The following LARP1 variants were observed in gnomAD, a reference collection of about 807,000 sequenced individuals.
The protein encoded by LARP1 is La ribonucleoprotein 1, translational regulator.
In LARP1, 36 loss-of-function variants were observed where a neutral mutation model predicts 122.7. The ratio of observed to expected loss-of-function variants is 0.29; its 90% confidence interval spans 0.22 to 0.39. The LOEUF is 0.39. Among genes scored for constraint, LARP1 ranks in the 10% least tolerant of loss-of-function variants. The probability of loss-of-function intolerance (pLI) is 1.00; values close to 1 mark genes in which losing one functional copy is unlikely to be tolerated. For missense variants in LARP1, 1,040 were observed against 1,403.6 expected, an observed-to-expected ratio of 0.74 and a Z score of 4.14; for synonymous variants, 539 against 528.7, an observed-to-expected ratio of 1.02 and a Z score of -0.27.
chr5:154,683,905 T>C (rs1753805204), intron 1 of LARP1, among the ~76,000 whole-genome samples: 1 of 151,940 alleles, frequency 6.6e-6, no homozygotes, highest in Non-Finnish European at 1.5e-5. Context: ...GTCTTTGGAG[T>C]TGATGGTAGC....
At chr5:154,755,196 G>A (rs1369992453), upstream of LARP1, among the ~76,000 whole-genome samples, 19 of 150,016 alleles carry the variant, frequency 1.3e-4, no homozygotes. Flanking sequence ...GGGCAGGACC[G>A]CGTAGCCGTG....
upstream of LARP1, among the ~76,000 whole-genome samples, chr5:154,710,742 CAAAAAAAAA>C (rs35253134): frequency 1.1e-5 from 1 of 92,438 alleles, no homozygotes; most frequent in Non-Finnish European, 2.1e-5. Flanking sequence ...GACTCCATCT[CAAAAAAAAA>C]AAAAAAAAAA....
chr5:154,696,580 T>A (rs912289051), intron 1 of LARP1, among the ~76,000 whole-genome samples: 4 of 152,150 alleles, frequency 2.6e-5, no homozygotes, highest in Non-Finnish European at 5.9e-5. Flanking sequence ...TCCTATAAGG[T>A]AAAGAAAATA....
intron 1 of LARP1, among the ~76,000 whole-genome samples, chr5:154,705,117 CA>C (rs35003168): frequency 3.3e-4 from 35 of 107,192 alleles, no homozygotes; most frequent in South Asian, 1.4e-3. Flanking sequence ...GACTCCGTCT[CA>C]AAAAAAAAAA....
At chr5:154,725,198 T>A (rs1333853254) in intron 1 of LARP1, among the ~76,000 whole-genome samples, 1 of 151,818 alleles carries the variant, frequency 6.6e-6, no homozygotes, top group Non-Finnish European at 1.5e-5. Context: ...AAGACAAGCC[T>A]AGCCAAGATG....
upstream of LARP1, among the ~76,000 whole-genome samples, chr5:154,751,017 T>A (rs973562086): frequency 1.1e-4 from 16 of 152,208 alleles, no homozygotes; most frequent in African/African-American, 3.9e-4. Context: ...GCCTCTCTTT[T>A]TTTTTGGCCA....
intron 8 of LARP1, among the ~76,000 whole-genome samples, chr5:154,797,690 T>TC (rs1465777236): frequency 6.6e-6 from 1 of 152,098 alleles, no homozygotes; most frequent in East Asian, 1.9e-4. Flanking sequence ...CTTTTTTTTT[T>TC]TTTTTTAAAC....
At chr5:154,804,476 C>T (rs567932004) in intron 14 of LARP1, among the ~76,000 whole-genome samples, 169 bp downstream of exon 14, 4 of 152,202 alleles carry the variant, frequency 2.6e-5, no homozygotes, top group Non-Finnish European at 4.4e-5. Context: ...CTGGGAATGA[C>T]GGGTAGGCTT....
At chr5:154,762,229 G>A (rs921049057) in intron 1 of LARP1, among the ~76,000 whole-genome samples, 7 of 151,912 alleles carry the variant, frequency 4.6e-5, no homozygotes, top group Non-Finnish European at 7.4e-5. Context: ...GGTGACAAGA[G>A]CAAGACTCCA....
At chr5:154,773,958 T>C (rs1755651763) in intron 1 of LARP1, among the ~76,000 whole-genome samples, 1 of 152,188 alleles carries the variant, frequency 6.6e-6, no homozygotes, top group African/African-American at 2.4e-5. Context: ...CCAACAATCC[T>C]GCACCCCTAG....
intron 1 of LARP1, among the ~76,000 whole-genome samples, chr5:154,706,977 A>G (rs779849292): frequency 9.9e-5 from 15 of 152,218 alleles, no homozygotes; most frequent in Non-Finnish European, 1.6e-4. Context: ...CCCAAAATCA[A>G]AAGTACCATA....
chr5:154,708,594 C>T (rs749536548), upstream of LARP1, among the ~76,000 whole-genome samples: 4 of 152,040 alleles, frequency 2.6e-5, no homozygotes, highest in Non-Finnish European at 5.9e-5. Context: ...ATTTTAATTA[C>T]GTTCTGCAAA....
At chr5:154,790,591 G>A in intron 2 of LARP1, 54 bp from the exon 3 acceptor site, 2 of 1,590,492 alleles carry the variant, frequency 1.3e-6, no homozygotes, top group Non-Finnish European at 1.7e-6. Flanking sequence ...GTCGGGGGCT[G>A]AATAGCAAAG....
chr5:154,697,722 C>A (rs1465654427), intron 1 of LARP1, among the ~76,000 whole-genome samples: 1 of 152,170 alleles, frequency 6.6e-6, no homozygotes, highest in Non-Finnish European at 1.5e-5. Context: ...TTCATAGAGA[C>A]AGAAATTAGA....
intron 1 of LARP1, among the ~76,000 whole-genome samples, chr5:154,688,653 CA>C (rs10677648): frequency 0.02 from 1,594 of 79,362 alleles, 10 homozygotes; most frequent in East Asian, 0.067. Flanking sequence ...GACTCCATCT[CA>C]AAAAAAAAAA....
chr5:154,805,344 C>G (rs927532246), intron 14 of LARP1: 12 of 200,756 alleles, frequency 6.0e-5, no homozygotes, highest in South Asian at 2.4e-4. Context: ...TGGTCTTGCT[C>G]TCTCGAGTGG....
At chr5:154,770,392 AT>A (rs984943552) in intron 1 of LARP1, among the ~76,000 whole-genome samples, 22 of 152,074 alleles carry the variant, frequency 1.4e-4, no homozygotes, top group African/African-American at 5.1e-4. Context: ...TTAGGCAGGC[AT>A]TTTCCCCCTG....
chr5:154,787,994 A>AC (rs1216254498), intron 1 of LARP1, among the ~76,000 whole-genome samples: 1 of 152,170 alleles, frequency 6.6e-6, no homozygotes, highest in African/African-American at 2.4e-5. Flanking sequence ...CTTGCCCTCT[A>AC]CCTGATTTCT....
intron 3 of LARP1, chr5:154,791,893 C>G: frequency 2.2e-6 from 1 of 452,216 alleles, no homozygotes; most frequent in Non-Finnish European, 4.5e-6. Context: ...ATCATCTCAT[C>G]TAACCCTCAC....
Sources: gnomAD v4.1 joint callset for allele counts (sites outside exome capture counted in the v4.1 genomes callset) on GRCh38, gnomAD v4.1.1 for gene constraint, MANE v1.5 for transcripts, NCBI Gene and HGNC (gene_info 2026-07-23, HGNC 2026-07-21) for gene names.